The following SAMMSON variants were observed in gnomAD, a reference collection of about 807,000 sequenced individuals.
SAMMSON encodes the protein survival associated mitochondrial melanoma specific oncogenic non-coding RNA, also known as long intergenic non-protein coding RNA 1212.
intron 3 of SAMMSON, among the ~76,000 whole-genome samples, chr3:70,063,576 C>T (rs1021892263): frequency 2.0e-5 from 3 of 152,076 alleles, no homozygotes; most frequent in Non-Finnish European, 4.4e-5. Context: ...GCCCTTCCCC[C>T]GCAAACAGAT....
intron 9 of SAMMSON, among the ~76,000 whole-genome samples, chr3:70,381,183 C>G (rs1401386842): frequency 1.3e-5 from 2 of 152,260 alleles, no homozygotes; most frequent in Admixed American, 6.5e-5. Context: ...GATGTAGAAA[C>G]CAATTCCTCA....
chr3:70,180,775 T>G (rs764809549), intron 4 of SAMMSON, among the ~76,000 whole-genome samples: 51 of 152,198 alleles, frequency 3.4e-4, no homozygotes, highest in Admixed American at 2.0e-4. Context: ...AGACAGACTG[T>G]TCCTGCCCTG....
At chr3:70,254,211 A>T (rs1437755611) in intron 6 of SAMMSON, among the ~76,000 whole-genome samples, 1 of 152,180 alleles carries the variant, frequency 6.6e-6, no homozygotes, top group Non-Finnish European at 1.5e-5. Flanking sequence ...GCATGATTTT[A>T]ACAGCTGTGA....
At chr3:70,191,405 G>A (rs1701130873) in intron 4 of SAMMSON, among the ~76,000 whole-genome samples, 1 of 152,176 alleles carries the variant, frequency 6.6e-6, no homozygotes, top group South Asian at 2.1e-4. Context: ...GCTGATGAGG[G>A]GCTGGCCTGG....
intron 7 of SAMMSON, among the ~76,000 whole-genome samples, chr3:70,348,260 C>T (rs1284926536): frequency 2.0e-5 from 3 of 152,122 alleles, no homozygotes; most frequent in Admixed American, 6.6e-5. Context: ...GCCAGTGCAT[C>T]GGTGAAGATG....
chr3:70,125,487 T>A (rs2067453120), intron 4 of SAMMSON: 2 of 747,020 alleles, frequency 2.7e-6, no homozygotes, highest in Non-Finnish European at 4.6e-6. Flanking sequence ...GAGTCTTTTT[T>A]AATCTCTTCT....
intron 3 of SAMMSON, among the ~76,000 whole-genome samples, chr3:70,042,030 G>A (rs1354633432): frequency 6.6e-6 from 1 of 152,022 alleles, no homozygotes; most frequent in Non-Finnish European, 1.5e-5. Flanking sequence ...TTTTGAAGGA[G>A]GGAAGATGGA....
intron 2 of SAMMSON, among the ~76,000 whole-genome samples, chr3:70,425,426 T>A (rs1186420722): frequency 6.6e-6 from 1 of 151,946 alleles, no homozygotes; most frequent in East Asian, 1.9e-4. Context: ...TTTATTTATT[T>A]ATTGAGTCGG....
chr3:70,084,258 T>A (rs2067277962), intron 4 of SAMMSON, among the ~76,000 whole-genome samples: 1 of 152,126 alleles, frequency 6.6e-6, no homozygotes. Flanking sequence ...TTATTAGGGG[T>A]TACCTCTAGC....
chr3:70,024,577 G>T (rs2067029840), intron 3 of SAMMSON, among the ~76,000 whole-genome samples: 1 of 152,150 alleles, frequency 6.6e-6, no homozygotes, highest in Non-Finnish European at 1.5e-5. Context: ...ACCATGCTCT[G>T]CTGCCTCCCA....
chr3:70,178,193 C>A (rs1701022921), intron 4 of SAMMSON, among the ~76,000 whole-genome samples: 1 of 152,104 alleles, frequency 6.6e-6, no homozygotes, highest in Non-Finnish European at 1.5e-5. Flanking sequence ...TTCTCTAATG[C>A]CAGCATTTCT....
At chr3:70,165,534 GC>G (rs1342773533) in intron 4 of SAMMSON, among the ~76,000 whole-genome samples, 1 of 151,924 alleles carries the variant, frequency 6.6e-6, no homozygotes, top group African/African-American at 2.4e-5. Flanking sequence ...GGACATTTCA[GC>G]CTCCAGAACC....
chr3:70,334,403 C>G (rs1010446923), intron 7 of SAMMSON, among the ~76,000 whole-genome samples: 4 of 151,708 alleles, frequency 2.6e-5, no homozygotes, highest in Non-Finnish European at 5.9e-5. Flanking sequence ...TATATATGTA[C>G]ATAATATACA....
At chr3:70,382,228 T>C (rs757144094) in intron 9 of SAMMSON, among the ~76,000 whole-genome samples, 1 of 152,178 alleles carries the variant, frequency 6.6e-6, no homozygotes, top group Non-Finnish European at 1.5e-5. Flanking sequence ...AAAATTTATC[T>C]GAGATTTGAT....
chr3:70,247,345 G>A (rs760337743), intron 4 of SAMMSON, among the ~76,000 whole-genome samples: 10 of 151,948 alleles, frequency 6.6e-5, no homozygotes, highest in Non-Finnish European at 1.5e-4. Context: ...TGAAAACAGA[G>A]GAGTTCTGAA....
intron 4 of SAMMSON, among the ~76,000 whole-genome samples, chr3:70,240,845 T>C (rs540462798): frequency 6.6e-5 from 10 of 152,214 alleles, no homozygotes; most frequent in African/African-American, 1.9e-4. Flanking sequence ...TTCTGAAAAA[T>C]TCAGTAATAT....
chr3:70,019,547 C>T (rs1340590258), intron 3 of SAMMSON, among the ~76,000 whole-genome samples: 1 of 152,166 alleles, frequency 6.6e-6, no homozygotes, highest in African/African-American at 2.4e-5. Context: ...ATTGGCCAGT[C>T]TGTGTCTTTT....
At chr3:70,145,317 A>G (rs757653884) in intron 4 of SAMMSON, among the ~76,000 whole-genome samples, 3 of 152,126 alleles carry the variant, frequency 2.0e-5, no homozygotes, top group Non-Finnish European at 4.4e-5. Context: ...CAAATCAGTA[A>G]GGCTGCAGAA....
chr3:70,321,795 T>C (rs1702540941), intron 7 of SAMMSON, among the ~76,000 whole-genome samples: 1 of 151,890 alleles, frequency 6.6e-6, no homozygotes, highest in Non-Finnish European at 1.5e-5. Context: ...TAAAATATGC[T>C]AGAAAACTCT....
Sources: gnomAD v4.1 joint callset for allele counts (sites outside exome capture counted in the v4.1 genomes callset) on GRCh38, gnomAD v4.1.1 for gene constraint, MANE v1.5 for transcripts, NCBI Gene and HGNC (gene_info 2026-07-23, HGNC 2026-07-21) for gene names.